The following CCDC102B variants were observed in gnomAD, a reference collection of about 807,000 sequenced individuals.
The protein encoded by CCDC102B is coiled-coil domain-containing protein 102B.
CCDC102B carries 75 observed loss-of-function variants against 57.4 expected under a neutral mutation model. The observed-to-expected ratio is 1.31, with a 90% confidence interval of 1.08 to 1.58. The LOEUF is 1.58. Among genes scored for constraint, CCDC102B ranks in the 40% most tolerant of loss-of-function variants. The pLI is 0.00. For missense variants in CCDC102B, 636 were observed against 582.6 expected (o/e 1.09, Z -0.94); for synonymous variants, 206 against 201.9 (o/e 1.02, Z -0.17).
chr18:69,040,238 A>T (rs1206770771), intron 7 of CCDC102B, among the ~76,000 whole-genome samples: 1 of 152,010 alleles, frequency 6.6e-6, no homozygotes, highest in Non-Finnish European at 1.5e-5. Context: ...TATCCATTTC[A>T]TTATCGCTAC....
intron 2 of CCDC102B, among the ~76,000 whole-genome samples, chr18:68,757,877 T>C (rs889208969): frequency 6.6e-6 from 1 of 152,120 alleles, no homozygotes; most frequent in Non-Finnish European, 1.5e-5. Flanking sequence ...GCCTGGCCAA[T>C]TGGAAGCTCC....
chr18:68,987,229 AC>A (rs2050747472), intron 6 of CCDC102B, among the ~76,000 whole-genome samples: 1 of 152,182 alleles, frequency 6.6e-6, no homozygotes, highest in Non-Finnish European at 1.5e-5. Flanking sequence ...AGACACATTG[AC>A]CAATGGAGAA....
chr18:68,891,812 C>A (rs1446301409), intron 5 of CCDC102B, among the ~76,000 whole-genome samples: 1 of 152,114 alleles, frequency 6.6e-6, no homozygotes, highest in Non-Finnish European at 1.5e-5. Context: ...CTAATGTATC[C>A]TCTTAATCTT....
chr18:68,931,600 G>A (rs1208715869), intron 6 of CCDC102B, among the ~76,000 whole-genome samples: 2 of 151,930 alleles, frequency 1.3e-5, no homozygotes, highest in Admixed American at 1.3e-4. Context: ...ATTTTATGAA[G>A]AAGTAGGATT....
At chr18:68,812,431 T>A (rs1408002093) in intron 1 of CCDC102B, among the ~76,000 whole-genome samples, 1 of 152,182 alleles carries the variant, frequency 6.6e-6, no homozygotes, top group East Asian at 1.9e-4. Flanking sequence ...TATATATGAT[T>A]ACTGGATTAT....
Position 68,725,426 on chromosome 18 carries a change from C to T in CCDC102B, c.-67+8832C>T, listed in dbSNP as rs189420031. On this transcript the variant is annotated intron_variant, in intron 2 of 3. Transcript: ENST00000578970. The stretch of plus-strand genomic sequence containing the variant: ...AATCTACAATCAAGGCGTCAGAAGG[C>T]TCTGCTCCTTTTTGGAGTCTCTAGG... 3.0e-4 allele frequency among the ~76,000 whole-genome samples: 45 copies of T among 152,326 alleles called. 1 individual carries two copies. The highest frequency in any genetic ancestry group is 2.7e-3 in the Admixed American group (41 of 15,306).
intron 2 of CCDC102B, among the ~76,000 whole-genome samples, chr18:68,749,346 A>G (rs1421668243): frequency 1.3e-5 from 2 of 152,036 alleles, no homozygotes; most frequent in African/African-American, 2.4e-5. Context: ...GATGGCATTG[A>G]ATCTATAAAT....
At chr18:69,051,144 A>C (rs2052694659) in intron 7 of CCDC102B, among the ~76,000 whole-genome samples, 1 of 152,160 alleles carries the variant, frequency 6.6e-6, no homozygotes, top group Admixed American at 6.6e-5. Flanking sequence ...TCAGCCTCCC[A>C]AAGTGCAGAG....
intron 3 of CCDC102B, among the ~76,000 whole-genome samples, chr18:68,842,675 T>C (rs543624578): frequency 6.6e-6 from 1 of 152,266 alleles, no homozygotes; most frequent in African/African-American, 2.4e-5. Context: ...CCTCTGGTGC[T>C]TAGTGACACC....
intron 1 of CCDC102B, among the ~76,000 whole-genome samples, chr18:68,822,987 C>T (rs972906386): frequency 2.0e-5 from 3 of 152,106 alleles, no homozygotes; most frequent in Admixed American, 6.5e-5. Flanking sequence ...CCCTCCCGCC[C>T]CCACACTCCC....
intron 1 of CCDC102B, among the ~76,000 whole-genome samples, chr18:68,826,699 C>G (rs2036917265): frequency 6.6e-6 from 1 of 151,954 alleles, no homozygotes. Context: ...GAATTTTTTT[C>G]TTTTCCATTT....
At chr18:69,010,900 TATAA>T (rs1170975142) in intron 6 of CCDC102B, 30 bp from the exon 7 acceptor site, 6 of 1,515,662 alleles carry the variant, frequency 4.0e-6, no homozygotes, top group Non-Finnish European at 4.5e-6. Flanking sequence ...CAGAATAGAC[TATAA>T]ATAATGTAAT....
At chr18:69,022,222 T>TATATATATATATATATATATATATAA (rs1395799223) in intron 7 of CCDC102B, among the ~76,000 whole-genome samples, 19 of 94,978 alleles carry the variant, frequency 2.0e-4, no homozygotes, top group Non-Finnish European at 3.7e-4. Context: ...TATATATATA[T>TATATATATATATATATATATATATAA]AACACACACA....
In CCDC102B at chr18:68,925,741, G is replaced by C. The variant is rs542583470; in HGVS notation, c.1263+28313G>C. 6.6e-5 allele frequency among the ~76,000 whole-genome samples: 10 copies of C among 152,030 alleles called. No homozygotes were observed. In the South Asian group the frequency reaches 1.2e-3, roughly 19 times the overall value. On this transcript the variant is annotated intron_variant, in intron 6 of 7. Coordinates refer to ENST00000360242, the MANE Select transcript of CCDC102B (RefSeq NM_024781.3). Reference sequence around the variant, plus strand: ...TGTTATTTTCAGCCAGTAGATGTTTGGGAAGATATCAGCTGTTTTATAAGG... The same window carrying C: ...TGTTATTTTCAGCCAGTAGATGTTTCGGAAGATATCAGCTGTTTTATAAGG...
intron 7 of CCDC102B, among the ~76,000 whole-genome samples, chr18:69,029,762 G>A (rs907940154): frequency 2.0e-5 from 3 of 152,026 alleles, no homozygotes; most frequent in Non-Finnish European, 4.4e-5. Context: ...GTTGGTTCCA[G>A]GAACACAAAT....
chr18:68,961,322 T>C (rs1200293636), intron 6 of CCDC102B, among the ~76,000 whole-genome samples: 2 of 151,982 alleles, frequency 1.3e-5, no homozygotes, highest in Non-Finnish European at 2.9e-5. Context: ...GTTTTATTTA[T>C]GTACAAAATT....
At chr18:68,843,303 A>G (rs1286724441) in intron 3 of CCDC102B, among the ~76,000 whole-genome samples, 12 of 152,184 alleles carry the variant, frequency 7.9e-5, no homozygotes, top group Admixed American at 1.3e-4. Context: ...TTGATTTGGT[A>G]AGAACATTTT....
chr18:69,037,339 TCA>T (rs907458400), intron 7 of CCDC102B, among the ~76,000 whole-genome samples: 2 of 151,982 alleles, frequency 1.3e-5, no homozygotes, highest in African/African-American at 4.8e-5. Flanking sequence ...ATCAAGGGAC[TCA>T]CAGTCTATGA....
chr18:68,727,286 C>T (rs1331258015), intron 2 of CCDC102B, among the ~76,000 whole-genome samples: 1 of 152,088 alleles, frequency 6.6e-6, no homozygotes, highest in African/African-American at 2.4e-5. Flanking sequence ...ATAGTGACTT[C>T]TGTGTTTTTG....
Sources: allele counts gnomAD v4.1 joint callset (sites outside exome capture counted in the v4.1 genomes callset), GRCh38; gene constraint gnomAD v4.1.1; transcripts MANE v1.5; gene names NCBI Gene and HGNC (gene_info 2026-07-23, HGNC 2026-07-21).